The following CAVIN2 variants were observed in gnomAD, a reference collection of about 807,000 sequenced individuals.
CAVIN2 encodes the protein caveolae-associated protein 2.
CAVIN2 carries 13 observed loss-of-function variants against 11.7 expected under a neutral mutation model. The ratio of observed to expected loss-of-function variants is 1.11; its 90% CI spans 0.72 to 1.77. The LOEUF (loss-of-function observed/expected upper bound fraction) is 1.77. Ranked by LOEUF, CAVIN2 falls within the 40% of genes most tolerant of loss-of-function variation. CAVIN2 has a pLI of 0.00. For missense variants in CAVIN2, 549 were observed against 542.9 expected (o/e 1.01, Z -0.11); for synonymous variants, 237 against 223.2 (o/e 1.06, Z -0.55).
rs35883486 is a variant in CAVIN2, at chr2:191,846,659, G to A, written c.267C>T (p.Ser89=). ...TGAGGTCATTCTGGATGCCCTTCAC[G>A]GAGCCCTCCAAACTGATCTGTCGCT... ...MEQRQISLEG[S]VKGIQNDLTK... is the part of the protein sequence containing the mutation. Residue 89 remains serine, a synonymous_variant, in exon 1 of 2, where the codon TCC becomes TCT. Coordinates refer to ENST00000304141, the MANE Select transcript of CAVIN2 (RefSeq NM_004657.6). The A allele has an allele frequency of 0.029, 47,593 of 1,614,170 alleles. 817 individuals carry two copies. Among genetic ancestry groups the A allele is most frequent in the South Asian group, 0.053 (4,789 of 91,076 alleles).
chr2:191,837,923 C>T (rs1005098079), intron 1 of CAVIN2, among the ~76,000 whole-genome samples: 2 of 152,274 alleles, frequency 1.3e-5, no homozygotes, highest in Non-Finnish European at 2.9e-5. Flanking sequence ...CCTTGGGTCT[C>T]AGTTTCTTCC....
At position 191,836,269 on chromosome 2, in the gene CAVIN2, T is replaced by G; in HGVS notation, c.932A>C (p.Asn311Thr). 1 of 1,614,082 alleles carries G rather than the reference T, an allele frequency of 6.2e-7. No individual in the cohort carries two copies. Among genetic ancestry groups the G allele is most frequent in the Non-Finnish European group, 8.5e-7 (1 of 1,180,016 alleles). ...AGGCAGGTCTTCTGACTTGGTCTCA[T>G]TTTCTGCATGGCTTTCTCCCTCTCG... is the stretch of plus-strand genomic sequence containing the variant. Reference protein sequence around the residue: ...KVREGESHAENETKSEDLPSS... With the variant: ...KVREGESHAETETKSEDLPSS... The change falls in exon 2 of 2, where the codon AAT becomes ACT. Residue 311 changes from asparagine to threonine, a missense_variant. Asn to Thr is a moderately conservative substitution (Grantham distance 65, BLOSUM62 0). Transcript: ENST00000304141.
intron 1 of CAVIN2, among the ~76,000 whole-genome samples, chr2:191,839,439 C>T (rs1231557538): frequency 4.6e-5 from 7 of 152,040 alleles, no homozygotes; most frequent in Non-Finnish European, 8.8e-5. Flanking sequence ...TAGACTCTTT[C>T]GATTCTTTTA....
chr2:191,839,860 A>C (rs1690070335), intron 1 of CAVIN2, among the ~76,000 whole-genome samples: 1 of 152,230 alleles, frequency 6.6e-6, no homozygotes, highest in East Asian at 1.9e-4. Flanking sequence ...GTGAATGTCC[A>C]AGCACATGTA....
intron 1 of CAVIN2, among the ~76,000 whole-genome samples, chr2:191,843,645 T>C (rs1487799748): frequency 6.6e-6 from 1 of 152,196 alleles, no homozygotes; most frequent in Non-Finnish European, 1.5e-5. Flanking sequence ...AGTTATACAA[T>C]ACATGGTTCT....
chr2:191,835,562 C>A lies in CAVIN2; in HGVS notation c.*361G>T. 1 of 225,590 alleles carries A rather than the reference C, an allele frequency of 4.4e-6. No homozygotes were observed. Among genetic ancestry groups the A allele is most frequent in the Non-Finnish European group, 8.8e-6 (1 of 113,408 alleles). The allele number at this position is 225,590 out of a possible 1,614,324, so 14.0% of individuals were successfully genotyped here. On this transcript the variant is annotated 3_prime_UTR_variant, in exon 2 of 2. Coordinates refer to ENST00000304141, the MANE Select transcript of CAVIN2 (RefSeq NM_004657.6). ...AATATATTACCGGTACACTATTCAGCAAGCTTATGGAATGACAAAAAAGAA... is the reference window on the plus strand; with the variant it reads ...AATATATTACCGGTACACTATTCAGAAAGCTTATGGAATGACAAAAAAGAA...
intron 1 of CAVIN2, among the ~76,000 whole-genome samples, chr2:191,845,082 A>G (rs1487772759): frequency 6.6e-6 from 1 of 152,220 alleles, no homozygotes; most frequent in East Asian, 1.9e-4. Flanking sequence ...CATATGGCTT[A>G]AGAAAGGCCC....
chr2:191,835,881 G>C lies in CAVIN2; in HGVS notation c.*42C>G, dbSNP rs1431858871. ...AAGAGTTTGTTCTTCAGCCCTGGCT[G>C]CCCGCTTGAGCACAGCACAGGATGG... On this transcript the variant is annotated 3_prime_UTR_variant, in exon 2 of 2. Transcript: ENST00000304141. 2 of 1,562,268 alleles carry C rather than the reference G, an allele frequency of 1.3e-6. No individual in the cohort carries two copies. Among genetic ancestry groups the C allele is most frequent in the East Asian group, 2.3e-5 (1 of 44,422 alleles).
chr2:191,841,167 A>G, intron 1 of CAVIN2, among the ~76,000 whole-genome samples: 1 of 152,174 alleles, frequency 6.6e-6, no homozygotes, highest in East Asian at 1.9e-4. Context: ...TGCATTAGTT[A>G]TAATCCCTGA....
rs933479342 is a variant in CAVIN2, at chr2:191,836,708, C to T, written c.493G>A (p.Glu165Lys). The change falls in exon 2 of 2, where the codon GAG becomes AAG. Residue 165 changes from glutamate (E) to lysine (K), a missense_variant. By Grantham distance (56) the Glu-to-Lys change is moderately conservative. Coordinates refer to ENST00000304141, the MANE Select transcript of CAVIN2 (RefSeq NM_004657.6). ...FKVLIFQEEN[E>K]IPASVFVKQP... ...TTCACAAACACGCTGGCAGGGATCT[C>T]ATTTTCCTCCTGAAAAGACGGACAA... 1 of 1,611,372 alleles carries T rather than the reference C, an allele frequency of 6.2e-7. No homozygotes were observed. The highest frequency in any genetic ancestry group is 1.1e-5 in the South Asian group (1 of 90,930).
chr2:191,836,200 G>A lies in CAVIN2; in HGVS notation c.1001C>T (p.Ala334Val). The change falls in exon 2 of 2, where the codon GCA becomes GTA. Residue 334 changes from alanine to valine, a missense_variant. Physicochemically the swap from Ala to Val is moderately conservative, Grantham distance 64. Coordinates refer to ENST00000304141, the MANE Select transcript of CAVIN2 (RefSeq NM_004657.6). ...GAGGGACGCTTCGGAATGACCCTCT[G>A]CAAAGGACTCCTCTTCCTGGTCATT... ...MPNDQEEESF[A>V]EGHSEASLAS... 1.2e-6 allele frequency: 2 copies of A among 1,614,092 alleles called. No individual in the cohort carries two copies. Among genetic ancestry groups the A allele is most frequent in the Non-Finnish European group, 1.7e-6 (2 of 1,180,030 alleles).
rs143542594 is a variant in CAVIN2, at chr2:191,835,685, A to G, written c.*238T>C. 80 of 478,804 alleles carry G rather than the reference A, an allele frequency of 1.7e-4. No homozygotes were observed. Among genetic ancestry groups the G allele is most frequent in the African/African-American group, 1.4e-3 (76 of 52,582 alleles). 29.7% of individuals were successfully genotyped at this position (478,804 alleles called of 1,614,324 possible). ...TTTCAACTGCTCAGTTTCTTCTTCAATCTTGGAGACATTCTACAGAGATAG... is the reference window on the plus strand; with the variant it reads ...TTTCAACTGCTCAGTTTCTTCTTCAGTCTTGGAGACATTCTACAGAGATAG... On this transcript the variant is annotated 3_prime_UTR_variant, in exon 2 of 2. Coordinates refer to ENST00000304141, the MANE Select transcript of CAVIN2 (RefSeq NM_004657.6).
At chr2:191,843,305 T>C (rs1219235566) in intron 1 of CAVIN2, among the ~76,000 whole-genome samples, 1 of 152,232 alleles carries the variant, frequency 6.6e-6, no homozygotes, top group Non-Finnish European at 1.5e-5. Context: ...AACAGTACCA[T>C]ACCAAATATG....
At position 191,836,115 on chromosome 2, in the gene CAVIN2, C is replaced by G. The variant is rs377713440; in HGVS notation, c.1086G>C (p.Arg362Ser). 3.8e-5 allele frequency: 62 copies of G among 1,614,212 alleles called. No homozygotes were observed. In the East Asian group the frequency reaches 7.6e-4, roughly 20 times the overall value. Reference protein sequence around the residue: ...AEEAAEKATSRGSNSGMDSNI... With the variant: ...AEEAAEKATSSGSNSGMDSNI... ...TGCTGTCCATCCCCGAGTTACTCCCCCTGGAGGTCGCCTTCTCAGCAGCCT... is the reference window on the plus strand; with the variant it reads ...TGCTGTCCATCCCCGAGTTACTCCCGCTGGAGGTCGCCTTCTCAGCAGCCT... Residue 362 changes from arginine to serine, a missense_variant, in exon 2 of 2, where the codon AGG (arginine) becomes AGC (serine). Transcript: ENST00000304141.
Position 191,836,155 on chromosome 2 carries a change from C to T in CAVIN2, c.1046G>A (p.Gly349Glu). The stretch of plus-strand genomic sequence containing the variant: ...CTCAGCAGCCTCCTCTGCAATTTCC[C>T]CTTCCACCAGAGCGCTGGCGAGGGA... ...EASLASALVE[G>E]EIAEEAAEKA... The change falls in exon 2 of 2, where the codon GGG (glycine) becomes GAG (glutamate). Residue 349 changes from glycine to glutamate, a missense_variant. By Grantham distance (98) the Gly-to-Glu change is moderately conservative. Transcript: ENST00000304141. 3 of 1,614,230 alleles carry T rather than the reference C, an allele frequency of 1.9e-6. No individual in the cohort carries two copies. Among genetic ancestry groups the T allele is most frequent in the East Asian group, 2.2e-5 (1 of 44,888 alleles).
Position 191,847,054 on chromosome 2 carries a change from G to T in CAVIN2, c.-129C>A. On this transcript the variant is annotated 5_prime_UTR_variant, in exon 1 of 2. It adds an upstream start codon to the 5' untranslated region. Transcript: ENST00000304141. ...AGGGCACCAGTCTCCAGGACTGGCA[G>T]AGGTTCAGACAGGCAACAACTGGCT... 1 of 1,256,290 alleles carries T rather than the reference G, an allele frequency of 8.0e-7. No individual in the cohort carries two copies. The highest frequency in any genetic ancestry group is 1.1e-6 in the Non-Finnish European group (1 of 922,192). 77.8% of individuals were successfully genotyped at this position (1,256,290 alleles called of 1,614,324 possible). A position where few individuals can be genotyped will look rare whatever the true frequency, so the allele number is the denominator to read the frequency against.
intron 1 of CAVIN2, among the ~76,000 whole-genome samples, chr2:191,838,752 C>T (rs1434070041): frequency 6.6e-6 from 1 of 152,180 alleles, no homozygotes; most frequent in Non-Finnish European, 1.5e-5. Context: ...CATGCTGTGT[C>T]CCAGCACCTA....
At chr2:191,841,254 A>G (rs1225275423) in intron 1 of CAVIN2, among the ~76,000 whole-genome samples, 1 of 152,198 alleles carries the variant, frequency 6.6e-6, no homozygotes, top group Non-Finnish European at 1.5e-5. Flanking sequence ...CTTTTTTAAG[A>G]CACACTGGTT....
At chr2:191,837,111 C>A (rs1178476382) in intron 1 of CAVIN2, among the ~76,000 whole-genome samples, 1 of 152,166 alleles carries the variant, frequency 6.6e-6, no homozygotes, top group Non-Finnish European at 1.5e-5. Context: ...TGCCAAAATC[C>A]CACTGCAGGA....
Sources: gnomAD v4.1 joint callset for allele counts (sites outside exome capture counted in the v4.1 genomes callset) on GRCh38, gnomAD v4.1.1 for gene constraint, MANE v1.5 for transcripts, NCBI Gene and HGNC (gene_info 2026-07-23, HGNC 2026-07-21) for gene names.